Variants in ZDHHC21 observed in about 807,000 individuals in gnomAD.
ZDHHC21 encodes palmitoyltransferase ZDHHC21.
ZDHHC21 carries 15 observed loss-of-function variants against 34.6 expected under a neutral mutation model. The ratio of observed to expected loss-of-function variants is 0.43; its 90% confidence interval spans 0.29 to 0.67. ZDHHC21 has a LOEUF of 0.67. ZDHHC21 is among the 30% of genes least tolerant of loss of function. The pLI is 0.14. For missense variants in ZDHHC21, 344 were observed against 327.7 expected (o/e 1.05, Z -0.38); for synonymous variants, 142 against 101.8 (o/e 1.40, Z -2.38).
intron 8 of ZDHHC21, 91 bp downstream of exon 8, chr9:14,639,805 T>C (rs1197370802): frequency 1.4e-6 from 1 of 726,494 alleles, no homozygotes; most frequent in Non-Finnish European, 2.1e-6. Flanking sequence ...TTTTCTCCTT[T>C]GATTTCTAAA....
intron 5 of ZDHHC21, among the ~76,000 whole-genome samples, chr9:14,671,550 G>A (rs945920922): frequency 7.9e-5 from 12 of 152,038 alleles, no homozygotes; most frequent in African/African-American, 2.9e-4. Flanking sequence ...CTGAATACAG[G>A]AATCCTTAGA....
At position 14,674,283 on chromosome 9, in the gene ZDHHC21, T is replaced by C; in HGVS notation, c.58A>G (p.Ile20Val). ...ATATTGTATAACCAAACAAAGACAA[T>C]CAAACCCATGCAGCACCAACCATGT... Reference protein sequence around the residue: ...DPHGWCCMGLIVFVWLYNIVL... With the variant: ...DPHGWCCMGLVVFVWLYNIVL... The change falls in exon 4 of 10, where the codon ATT (isoleucine) becomes GTT (valine). Residue 20 changes from isoleucine to valine, a missense_variant. Physicochemically the swap from Ile to Val is conservative, Grantham distance 29 (BLOSUM62 3). Transcript: ENST00000380916. 2 of 1,597,830 alleles carry C rather than the reference T, an allele frequency of 1.3e-6. No individual in the cohort carries two copies. The highest frequency in any genetic ancestry group is 1.7e-6 in the Non-Finnish European group (2 of 1,173,974).
chr9:14,646,610 G>C (rs974636597), intron 7 of ZDHHC21, among the ~76,000 whole-genome samples: 1 of 152,004 alleles, frequency 6.6e-6, no homozygotes, highest in South Asian at 2.1e-4. Flanking sequence ...TGACCTCCTT[G>C]CTATTTCTCA....
intron 7 of ZDHHC21, 146 bp from the exon 8 acceptor site, chr9:14,640,158 T>C (rs907664682): frequency 1.3e-5 from 6 of 468,840 alleles, no homozygotes; most frequent in East Asian, 3.1e-5. Flanking sequence ...TCTATTGAAA[T>C]CAATGTATAA....
chr9:14,594,096 A>T, the ZDHHC21 span: 1 of 152,198 alleles, frequency 6.6e-6, no homozygotes, highest in East Asian at 1.9e-4. Flanking sequence ...GCTAGATAAG[A>T]TATTTGAAAA....
the ZDHHC21 span, among the ~76,000 whole-genome samples, chr9:14,593,076 T>C: frequency 4.0e-5 from 6 of 151,778 alleles, no homozygotes; most frequent in African/African-American, 1.5e-4. Flanking sequence ...TTCAACCAAA[T>C]AACTTAAGCT....
intron 8 of ZDHHC21, among the ~76,000 whole-genome samples, chr9:14,633,455 T>C (rs1237097813): frequency 1.3e-5 from 2 of 152,064 alleles, no homozygotes; most frequent in East Asian, 1.9e-4. Context: ...ACCTGGAGAA[T>C]ACATGAAGGT....
chr9:14,593,425 A>C, the ZDHHC21 span, among the ~76,000 whole-genome samples: 5 of 152,286 alleles, frequency 3.3e-5, no homozygotes, highest in African/African-American at 1.2e-4. Flanking sequence ...AAAATACATA[A>C]ATTTCCAAAA....
intron 5 of ZDHHC21, among the ~76,000 whole-genome samples, chr9:14,663,116 A>G (rs572194637): frequency 2.0e-5 from 3 of 152,332 alleles, no homozygotes; most frequent in Admixed American, 1.3e-4. Context: ...TTTTCATTAA[A>G]AACTGTCCTA....
rs1189959280 is a variant in ZDHHC21, at chr9:14,674,230, A to G, written c.111T>C (p.Phe37=). 3 of 1,577,458 alleles carry G rather than the reference A, an allele frequency of 1.9e-6. No individual in the cohort carries two copies. Among genetic ancestry groups the G allele is most frequent in the Non-Finnish European group, 2.6e-6 (3 of 1,165,310 alleles). ...NIVLIPKIVL[F]PHYEEGHIPG... ...GAATATGTCCTTCTTCATAGTGAGG[A>G]AAGAGGACAATTTTGGGAATTAAAA... Residue 37 remains phenylalanine, a synonymous_variant, in exon 4 of 10, where the codon TTT becomes TTC. Transcript: ENST00000380916.
Position 14,660,868 on chromosome 9 carries a change from G to A in ZDHHC21, c.365+1347C>T, listed in dbSNP as rs77212965. ...CCATCATGAACATTTGTATTTTAGT[G>A]AATAAGAAACTCTACAATAAGAAGC... On this transcript the variant is annotated intron_variant, in intron 6 of 9. Coordinates refer to ENST00000380916, the MANE Select transcript of ZDHHC21 (RefSeq NM_178566.6). Among the ~76,000 whole-genome samples the A allele has an allele frequency of 6.2e-3, 938 of 152,086 alleles. 15 individuals carry two copies. The highest frequency in any genetic ancestry group is 0.021 in the African/African-American group (885 of 41,482).
intron 7 of ZDHHC21, among the ~76,000 whole-genome samples, chr9:14,654,822 G>C (rs1004146254): frequency 6.6e-6 from 1 of 151,762 alleles, no homozygotes; most frequent in Admixed American, 6.6e-5. Flanking sequence ...AAGCACAGAG[G>C]GGGAATAAAA....
At chr9:14,678,436 A>C (rs918451867) in intron 3 of ZDHHC21, among the ~76,000 whole-genome samples, 2 of 152,222 alleles carry the variant, frequency 1.3e-5, no homozygotes, top group East Asian at 3.9e-4. Context: ...AAAGGGAAAA[A>C]AATCCAATGG....
At chr9:14,588,905 G>A in the ZDHHC21 span, 3 of 152,068 alleles carry the variant, frequency 2.0e-5, no homozygotes, top group Non-Finnish European at 2.9e-5. Flanking sequence ...TGATCAAGCC[G>A]ATATCAGTGA....
chr9:14,648,740 G>C (rs1380504512), intron 7 of ZDHHC21, among the ~76,000 whole-genome samples: 1 of 152,030 alleles, frequency 6.6e-6, no homozygotes, highest in African/African-American at 2.4e-5. Context: ...GAAGTGAATA[G>C]ACACTCAATA....
chr9:14,643,501 ATAAAC>A (rs1829763419), intron 7 of ZDHHC21, among the ~76,000 whole-genome samples: 1 of 152,184 alleles, frequency 6.6e-6, no homozygotes, highest in African/African-American at 2.4e-5. Context: ...GCACCTTTTT[ATAAAC>A]TAAAGTCTTA....
At chr9:14,635,409 G>T (rs1318134237) in intron 8 of ZDHHC21, among the ~76,000 whole-genome samples, 1 of 152,140 alleles carries the variant, frequency 6.6e-6, no homozygotes, top group Non-Finnish European at 1.5e-5. Flanking sequence ...AAAAGTCAAA[G>T]ACAGAGAATT....
chr9:14,594,287 A>C, the ZDHHC21 span: 1 of 152,216 alleles, frequency 6.6e-6, no homozygotes, highest in Non-Finnish European at 1.5e-5. Context: ...GAAAGAAAAG[A>C]ACAAAGCTGG....
the ZDHHC21 span, among the ~76,000 whole-genome samples, chr9:14,590,593 G>C: frequency 6.6e-6 from 1 of 152,008 alleles, no homozygotes. Context: ...AGAATGGAAG[G>C]GGCTGAATGT....
Sources: allele counts gnomAD v4.1 joint callset (sites outside exome capture counted in the v4.1 genomes callset), GRCh38; gene constraint gnomAD v4.1.1; transcripts MANE v1.5; gene names NCBI Gene and HGNC (gene_info 2026-07-23, HGNC 2026-07-21).